THBS4: variants seen among roughly 807,000 people sequenced by gnomAD.
THBS4 encodes thrombospondin-4.
Under a neutral mutation model 115.7 loss-of-function variants are expected in THBS4, and 90 were observed. That is an observed-to-expected ratio of 0.78 (90% CI 0.66 to 0.93). The LOEUF (loss-of-function observed/expected upper bound fraction) is 0.93. Among genes scored for constraint, THBS4 ranks in the 40% least tolerant of loss-of-function variants. The pLI, the probability that THBS4 is intolerant of heterozygous loss-of-function variation, is 0.00. For missense variants in THBS4, 1,087 were observed against 1,232.7 expected (o/e 0.88, Z 1.77); for synonymous variants, 460 against 479.3 (o/e 0.96, Z 0.53).
chr5:80,079,547 G>A (rs1743387009), intron 19 of THBS4, among the ~76,000 whole-genome samples: 3 of 152,120 alleles, frequency 2.0e-5, no homozygotes, highest in African/African-American at 4.8e-5. Context: ...AAATTTCATC[G>A]ATAGGTCCAA....
chr5:80,068,534 C>T (rs999605807), intron 10 of THBS4: 2 of 186,800 alleles, frequency 1.1e-5, no homozygotes, highest in African/African-American at 4.7e-5. Flanking sequence ...CTCTAACTGT[C>T]CTCATCCTTA....
intron 2 of THBS4, among the ~76,000 whole-genome samples, chr5:80,048,560 T>C (rs995623974): frequency 6.6e-6 from 1 of 152,120 alleles, no homozygotes; most frequent in African/African-American, 2.4e-5. Context: ...ATGATGAATC[T>C]CATACTTTTT....
At chr5:80,016,039 G>T (rs1202340176) in intron 2 of THBS4, among the ~76,000 whole-genome samples, 1 of 152,136 alleles carries the variant, frequency 6.6e-6, no homozygotes, top group African/African-American at 2.4e-5. Context: ...GGACCAGAAG[G>T]GCTGTCTTTG....
At chr5:80,072,021 C>T in intron 13 of THBS4, 1 of 421,042 alleles carries the variant, frequency 2.4e-6, no homozygotes, top group Non-Finnish European at 4.4e-6. Context: ...ATCATGATCC[C>T]CTCCTCGTGG....
chr5:80,080,533 T>G (rs1359005522), intron 20 of THBS4, among the ~76,000 whole-genome samples: 1 of 148,584 alleles, frequency 6.7e-6, no homozygotes, highest in African/African-American at 2.5e-5. Context: ...CCTTACAGTC[T>G]GTCTTCCCTG....
chr5:80,021,567 T>C (rs554412267), intron 2 of THBS4, among the ~76,000 whole-genome samples: 1 of 152,068 alleles, frequency 6.6e-6, no homozygotes, highest in South Asian at 2.1e-4. Flanking sequence ...AGTGTCGTGG[T>C]ACAGTCGTAG....
rs146733359 is a variant in THBS4 at position 80,016,346 on chromosome 5, C to G, written n.177+17919C>G. ...GGGGTCACCCCATTGTTGCCTTCCT[C>G]CCATATAACACCTACACTGTAGTGT... is the stretch of plus-strand genomic sequence containing the variant. On this transcript the variant is annotated intron_variant and non_coding_transcript_variant, in intron 2 of 3. Transcript: ENST00000510218. 7.7e-3 allele frequency among the ~76,000 whole-genome samples: 1,173 copies of G among 152,292 alleles called. 11 individuals carry two copies. Among genetic ancestry groups the G allele is most frequent in the Non-Finnish European group, 0.014 (939 of 68,020 alleles).
intron 8 of THBS4, among the ~76,000 whole-genome samples, chr5:80,062,748 T>C (rs1833681021): frequency 6.6e-6 from 1 of 152,172 alleles, no homozygotes; most frequent in Non-Finnish European, 1.5e-5. Context: ...AGTGTTCTCA[T>C]TGTTCAATTC....
At chr5:80,058,344 T>C in intron 4 of THBS4, 30 bp downstream of exon 4, 1 of 1,494,128 alleles carries the variant, frequency 6.7e-7, no homozygotes, top group Non-Finnish European at 9.1e-7. Context: ...TTGCATGCCT[T>C]CATCAACACA....
intron 1 of THBS4, among the ~76,000 whole-genome samples, chr5:79,993,778 T>C (rs1831736236): frequency 6.6e-6 from 1 of 152,210 alleles, no homozygotes; most frequent in South Asian, 2.1e-4. Context: ...TGATTAAGAA[T>C]CTGGGAAATG....
intron 17 of THBS4, 124 bp downstream of exon 17, chr5:80,078,351 C>A: frequency 1.3e-6 from 1 of 749,648 alleles, no homozygotes; most frequent in Non-Finnish European, 2.0e-6. Context: ...CGCTCTTATT[C>A]CTCAACAGCC....
intron 1 of THBS4, among the ~76,000 whole-genome samples, chr5:80,039,139 A>G (rs1406060867): frequency 2.6e-5 from 4 of 152,168 alleles, no homozygotes; most frequent in African/African-American, 9.7e-5. Context: ...TCAATTGTCA[A>G]TATTACCCAT....
intron 2 of THBS4, among the ~76,000 whole-genome samples, chr5:80,009,034 G>A (rs765345831): frequency 2.6e-5 from 4 of 152,192 alleles, no homozygotes; most frequent in African/African-American, 7.2e-5. Flanking sequence ...GCTGGTAGAC[G>A]TGGGATTATT....
intron 2 of THBS4, among the ~76,000 whole-genome samples, chr5:80,055,322 T>TAAA (rs56014842): frequency 1.4e-5 from 2 of 140,040 alleles, no homozygotes; most frequent in Non-Finnish European, 3.1e-5. Flanking sequence ...ATCCTGTCTT[T>TAAA]AAAAAAAAAA....
rs143025825 is a variant in THBS4, at chr5:80,078,051, G to A, written c.2089G>A (p.Asp697Asn). 103 of 1,575,482 alleles carry A rather than the reference G, an allele frequency of 6.5e-5. No homozygotes were observed. Among genetic ancestry groups the A allele is most frequent in the East Asian group, 2.5e-4 (11 of 43,598 alleles). ...PNPAQEDSNSDGVGDICESDF... is the reference protein window; with the variant it reads ...PNPAQEDSNSNGVGDICESDF... ...TGTCCTTTCTCCACCCCACTCAGGCGACGGAGTGGGAGACATCTGTGAGTC... is the reference window on the plus strand; with the variant it reads ...TGTCCTTTCTCCACCCCACTCAGGCAACGGAGTGGGAGACATCTGTGAGTC... The change falls in exon 17 of 22, where the codon GAC (aspartate) becomes AAC (asparagine). Residue 697 changes from aspartate to asparagine, a missense_variant and splice_region_variant. Physicochemically the swap from Asp to Asn is conservative, Grantham distance 23. Around this residue, in one of 3 missense-constraint regions of THBS4, gnomAD observed 979 missense variants for 1,103.7 expected, o/e 0.89. Transcript: ENST00000350881.
chr5:80,015,555 A>C (rs1832229682), intron 2 of THBS4, among the ~76,000 whole-genome samples: 1 of 152,160 alleles, frequency 6.6e-6, no homozygotes, highest in African/African-American at 2.4e-5. Context: ...CTTTTGGAAC[A>C]TTTCTCCCTC....
At chr5:80,078,681 T>C (rs1743340280) in intron 17 of THBS4, among the ~76,000 whole-genome samples, 2 of 152,266 alleles carry the variant, frequency 1.3e-5, no homozygotes, top group Admixed American at 1.3e-4. Flanking sequence ...TCCAATCAGC[T>C]TAAGTGACAG....
intron 2 of THBS4, among the ~76,000 whole-genome samples, chr5:80,040,697 C>T (rs923464508): frequency 1.3e-5 from 2 of 152,186 alleles, no homozygotes; most frequent in African/African-American, 4.8e-5. Flanking sequence ...AGTCTAAGAT[C>T]ATGGTGCCAT....
In THBS4 at chr5:80,035,716, T is replaced by C. The variant is rs1044718677; in HGVS notation, c.88+91T>C. 148 of 939,606 alleles carry C rather than the reference T, an allele frequency of 1.6e-4. 1 individual carries two copies. Among genetic ancestry groups the C allele is most frequent in the Non-Finnish European group, 1.8e-4 (131 of 713,454 alleles). The allele number at this position is 939,606 out of a possible 1,614,324, so 58.2% of individuals were successfully genotyped here. A position where few individuals can be genotyped will look rare whatever the true frequency, so the allele number is the denominator to read the frequency against. On this transcript the variant is annotated intron_variant, in intron 1 of 21. Transcript: ENST00000350881. This position sits in a 1 kb window ranked among gnomAD's most constrained non-coding sequence, Gnocchi z 4.6. ...AGGGACTTGCTCGGCCCTGTGCTCC[T>C]GTGGCCTTGCTCAGCCCCTCTCTGT...
Sources: allele counts gnomAD v4.1 joint callset (sites outside exome capture counted in the v4.1 genomes callset), GRCh38; gene constraint gnomAD v4.1.1; regional missense constraint gnomAD v4.1.1; non-coding constraint Gnocchi (gnomAD v3.1); transcripts MANE v1.5; gene names NCBI Gene and HGNC (gene_info 2026-07-23, HGNC 2026-07-21).